Variants in LRP1B observed in about 807,000 individuals in gnomAD.
LRP1B encodes low-density lipoprotein receptor-related protein 1B.
A neutral mutation model predicts 556.6 loss-of-function variants in LRP1B; 217 were observed. The observed-to-expected ratio is 0.39, with a 90% CI of 0.35 to 0.44. LRP1B has a LOEUF of 0.44. Ranked by LOEUF, LRP1B falls within the 20% of genes least tolerant of loss-of-function variation. The pLI, the probability that LRP1B is intolerant of heterozygous loss-of-function variation, is 1.00. For missense variants in LRP1B, 5,053 were observed against 5,620.8 expected (o/e 0.90, Z 3.23); for synonymous variants, 2,047 against 1,865.8 (o/e 1.10, Z -2.50).
At chr2:141,839,736 TATA>T (rs1375197551) in intron 1 of LRP1B, among the ~76,000 whole-genome samples, 1 of 152,164 alleles carries the variant, frequency 6.6e-6, no homozygotes, top group Non-Finnish European at 1.5e-5. Context: ...AATGAGACTC[TATA>T]GATACTAAGT....
At chr2:142,035,652 TAAC>T (rs1703851419) in intron 1 of LRP1B, among the ~76,000 whole-genome samples, 1 of 151,632 alleles carries the variant, frequency 6.6e-6, no homozygotes, top group Admixed American at 6.6e-5. Context: ...AGGTCTAGTT[TAAC>T]AACAACTTTT....
At chr2:141,221,435 T>A (rs76780552) in intron 6 of LRP1B, among the ~76,000 whole-genome samples, 1 of 152,088 alleles carries the variant, frequency 6.6e-6, no homozygotes, top group Admixed American at 6.6e-5. Context: ...GTACATAGTC[T>A]TTTACTCCCA....
chr2:140,910,389 G>A (rs1340115880), intron 21 of LRP1B, among the ~76,000 whole-genome samples: 1 of 151,626 alleles, frequency 6.6e-6, no homozygotes, highest in Non-Finnish European at 1.5e-5. Flanking sequence ...GGCTTCTTAT[G>A]CTATAATATA....
intron 2 of LRP1B, among the ~76,000 whole-genome samples, chr2:141,588,934 C>A (rs1449578978): frequency 6.6e-6 from 1 of 152,022 alleles, no homozygotes; most frequent in Admixed American, 6.6e-5. Flanking sequence ...GAGAATTTAA[C>A]CTGCAATCTT....
intron 3 of LRP1B, among the ~76,000 whole-genome samples, chr2:141,257,522 T>C (rs1033363156): frequency 9.2e-5 from 14 of 152,130 alleles, no homozygotes; most frequent in Admixed American, 1.3e-4. Flanking sequence ...GGGTTAGTGA[T>C]ATGGAAAGTT....
chr2:140,980,106 A>T (rs1044228690), intron 18 of LRP1B, among the ~76,000 whole-genome samples: 1 of 152,148 alleles, frequency 6.6e-6, no homozygotes, highest in Non-Finnish European at 1.5e-5. Flanking sequence ...CTATTAAAAA[A>T]AAAGAAAAAA....
At chr2:141,938,664 A>C (rs767595876) in intron 1 of LRP1B, among the ~76,000 whole-genome samples, 2 of 152,266 alleles carry the variant, frequency 1.3e-5, no homozygotes, top group Non-Finnish European at 2.9e-5. Flanking sequence ...CACTATTCAC[A>C]ATAGCCAAAA....
At chr2:140,799,853 T>C (rs1044712816) in intron 32 of LRP1B, among the ~76,000 whole-genome samples, 9 of 152,268 alleles carry the variant, frequency 5.9e-5, no homozygotes, top group African/African-American at 2.2e-4. Context: ...GGGTGATTTC[T>C]GCATTTCCAA....
At chr2:141,623,362 T>C (rs1688574577) in intron 2 of LRP1B, among the ~76,000 whole-genome samples, 1 of 152,212 alleles carries the variant, frequency 6.6e-6, no homozygotes, top group Admixed American at 6.5e-5. Context: ...GACAATGGTA[T>C]ATAATGTTCC....
chr2:141,788,534 AT>A (rs749018703), intron 2 of LRP1B, among the ~76,000 whole-genome samples: 25 of 151,890 alleles, frequency 1.6e-4, no homozygotes, highest in Non-Finnish European at 3.4e-4. Flanking sequence ...TTCTAATTAA[AT>A]TTTATTTTTA....
chr2:140,947,023 G>A (rs1390127831), intron 20 of LRP1B, among the ~76,000 whole-genome samples: 1 of 152,160 alleles, frequency 6.6e-6, no homozygotes, highest in Non-Finnish European at 1.5e-5. Flanking sequence ...AAAATGGAGA[G>A]AAGGAATGTG....
intron 41 of LRP1B, among the ~76,000 whole-genome samples, chr2:140,625,608 A>G (rs531185276): frequency 6.6e-6 from 1 of 152,338 alleles, no homozygotes; most frequent in Non-Finnish European, 1.5e-5. Context: ...AGATATACAG[A>G]TAGTAAATAA....
At chr2:141,329,332 G>A (rs1042581666) in intron 3 of LRP1B, among the ~76,000 whole-genome samples, 1 of 146,952 alleles carries the variant, frequency 6.8e-6, no homozygotes, top group African/African-American at 2.6e-5. Flanking sequence ...AGGTCAAAGT[G>A]AGCTGAGATT....
chr2:141,290,424 T>C (rs1685898100), intron 3 of LRP1B, among the ~76,000 whole-genome samples: 1 of 152,170 alleles, frequency 6.6e-6, no homozygotes, highest in African/African-American at 2.4e-5. Flanking sequence ...ATATGGTACA[T>C]ACCTTTAGTA....
At chr2:142,044,730 A>G (rs1308866697) in intron 1 of LRP1B, among the ~76,000 whole-genome samples, 1 of 151,754 alleles carries the variant, frequency 6.6e-6, no homozygotes, top group Admixed American at 6.6e-5. Flanking sequence ...TGTCAAAAAT[A>G]CATCAAGGGG....
At chr2:140,473,269 T>C (rs1463019071) in intron 60 of LRP1B, among the ~76,000 whole-genome samples, 1 of 152,058 alleles carries the variant, frequency 6.6e-6, no homozygotes, top group Non-Finnish European at 1.5e-5. Context: ...CTAGTCTTTC[T>C]GAGAAAACCT....
intron 41 of LRP1B, among the ~76,000 whole-genome samples, chr2:140,629,409 G>C (rs1683798157): frequency 6.6e-6 from 1 of 152,060 alleles, no homozygotes; most frequent in Non-Finnish European, 1.5e-5. Context: ...GACTAATACA[G>C]TGTATATGCC....
chr2:141,288,096 C>T (rs1167968807), intron 3 of LRP1B, among the ~76,000 whole-genome samples: 2 of 152,054 alleles, frequency 1.3e-5, no homozygotes, highest in Non-Finnish European at 2.9e-5. Context: ...TCTTCCAATC[C>T]AATTGTCTAT....
intron 7 of LRP1B, among the ~76,000 whole-genome samples, chr2:141,127,669 A>G (rs1402412507): frequency 6.6e-6 from 1 of 152,184 alleles, no homozygotes; most frequent in African/African-American, 2.4e-5. Context: ...TTTAAGTTTC[A>G]TGTCCAATCA....
Sources: gnomAD v4.1 joint callset for allele counts (sites outside exome capture counted in the v4.1 genomes callset) on GRCh38, gnomAD v4.1.1 for gene constraint, MANE v1.5 for transcripts, NCBI Gene and HGNC (gene_info 2026-07-23, HGNC 2026-07-21) for gene names.